The following SKAP2 variants were observed in gnomAD, a reference collection of about 807,000 sequenced individuals.
SKAP2 encodes src kinase associated phosphoprotein 2.
In SKAP2, 28 loss-of-function variants were observed where a neutral mutation model predicts 54.9. The observed-to-expected ratio is 0.51, with a 90% confidence interval of 0.38 to 0.70. The LOEUF is 0.70. Ranked by LOEUF, SKAP2 falls within the 30% of genes least tolerant of loss-of-function variation. The probability of loss-of-function intolerance (pLI) is 0.00; values close to 1 mark genes in which losing one functional copy is unlikely to be tolerated. For missense variants in SKAP2, 356 were observed against 424.1 expected (o/e 0.84, Z 1.41); for synonymous variants, 137 against 134.3 (o/e 1.02, Z -0.14).
intron 4 of SKAP2, among the ~76,000 whole-genome samples, chr7:26,815,885 C>T (rs1419871649): frequency 6.6e-6 from 1 of 152,040 alleles, no homozygotes; most frequent in Admixed American, 6.6e-5. Flanking sequence ...TATTGATAAC[C>T]TGACCCAACT....
At chr7:26,819,468 T>C (rs1359785028) in intron 4 of SKAP2, among the ~76,000 whole-genome samples, 3 of 151,940 alleles carry the variant, frequency 2.0e-5, no homozygotes, top group Middle Eastern at 3.4e-3. Context: ...ATACCTAATG[T>C]AGATGACGGG....
intron 4 of SKAP2, among the ~76,000 whole-genome samples, chr7:26,821,812 C>T (rs1224093351): frequency 6.6e-6 from 1 of 152,146 alleles, no homozygotes; most frequent in African/African-American, 2.4e-5. Flanking sequence ...TTGTCCCACC[C>T]ATCAAGTTGA....
chr7:26,785,532 C>T (rs1012715383), intron 4 of SKAP2, among the ~76,000 whole-genome samples: 2 of 152,130 alleles, frequency 1.3e-5, no homozygotes, highest in African/African-American at 2.4e-5. Flanking sequence ...CCCTTGACAT[C>T]AAAGGGCATA....
At chr7:26,851,189 C>G (rs1345764763) in intron 3 of SKAP2, among the ~76,000 whole-genome samples, 1 of 146,924 alleles carries the variant, frequency 6.8e-6, no homozygotes, top group Non-Finnish European at 1.5e-5. Context: ...GAGGCTGAGG[C>G]AGCTGATCTC....
intron 4 of SKAP2, among the ~76,000 whole-genome samples, chr7:26,740,258 AAG>A (rs1458874569): frequency 6.6e-6 from 1 of 152,110 alleles, no homozygotes; most frequent in African/African-American, 2.4e-5. Context: ...AAATCCCTGA[AAG>A]AGAGGTTAAG....
chr7:26,685,462 T>A (rs1333290176), intron 10 of SKAP2, among the ~76,000 whole-genome samples: 1 of 152,174 alleles, frequency 6.6e-6, no homozygotes, highest in Non-Finnish European at 1.5e-5. Context: ...GCCAAAGTTA[T>A]CTTTGAAAAT....
intron 4 of SKAP2, among the ~76,000 whole-genome samples, chr7:26,777,283 G>C (rs1250020515): frequency 6.6e-6 from 1 of 152,098 alleles, no homozygotes; most frequent in African/African-American, 2.4e-5. Flanking sequence ...AAGCTTTCTA[G>C]ATGCTTGAAT....
At chr7:26,761,964 G>A (rs1239187472) in intron 4 of SKAP2, among the ~76,000 whole-genome samples, 3 of 152,108 alleles carry the variant, frequency 2.0e-5, no homozygotes, top group Non-Finnish European at 4.4e-5. Context: ...GATTAGATAA[G>A]TAGAGAAGTT....
chr7:26,854,525 C>T (rs1440133826), intron 2 of SKAP2, among the ~76,000 whole-genome samples: 1 of 151,864 alleles, frequency 6.6e-6, no homozygotes, highest in Non-Finnish European at 1.5e-5. Context: ...ACCAAATATA[C>T]CCTCAGATAA....
chr7:26,764,551 T>C (rs1473959174), intron 4 of SKAP2, among the ~76,000 whole-genome samples: 2 of 152,134 alleles, frequency 1.3e-5, no homozygotes, highest in East Asian at 3.8e-4. Flanking sequence ...CTTTACTATA[T>C]AACTTTTTTT....
At chr7:26,753,975 C>A (rs1449348683) in intron 4 of SKAP2, among the ~76,000 whole-genome samples, 1 of 152,074 alleles carries the variant, frequency 6.6e-6, no homozygotes, top group Non-Finnish European at 1.5e-5. Context: ...AACTTTATAA[C>A]CACCAACATG....
chr7:26,721,424 A>T (rs1308355105), intron 9 of SKAP2, among the ~76,000 whole-genome samples: 1 of 152,146 alleles, frequency 6.6e-6, no homozygotes, highest in African/African-American at 2.4e-5. Flanking sequence ...ATTTTACTTT[A>T]TGTTCTATTT....
chr7:26,659,994 A>C, the SKAP2 span, among the ~76,000 whole-genome samples: 1 of 152,118 alleles, frequency 6.6e-6, no homozygotes, highest in East Asian at 1.9e-4. Flanking sequence ...AAAAAACAAA[A>C]AAACCCATGG....
intron 11 of SKAP2, among the ~76,000 whole-genome samples, chr7:26,674,723 T>G (rs1786316401): frequency 6.6e-6 from 1 of 152,206 alleles, no homozygotes; most frequent in African/African-American, 2.4e-5. Context: ...GACTTTGAGT[T>G]CCTCTAATTC....
At chr7:26,828,379 C>T (rs939993508) in intron 4 of SKAP2, among the ~76,000 whole-genome samples, 1 of 152,072 alleles carries the variant, frequency 6.6e-6, no homozygotes, top group African/African-American at 2.4e-5. Context: ...GTTCACTGAG[C>T]TTAAAAGGTA....
At chr7:26,699,791 T>C (rs1786983329) in intron 9 of SKAP2, among the ~76,000 whole-genome samples, 1 of 152,156 alleles carries the variant, frequency 6.6e-6, no homozygotes, top group African/African-American at 2.4e-5. Flanking sequence ...TTTAGTTAAA[T>C]ATCTAAACAT....
At chr7:26,757,023 G>T (rs1417563150) in intron 4 of SKAP2, among the ~76,000 whole-genome samples, 1 of 152,056 alleles carries the variant, frequency 6.6e-6, no homozygotes, top group Non-Finnish European at 1.5e-5. Context: ...TTTTTGATGG[G>T]GTTGTTTTTT....
chr7:26,770,703 G>T (rs1783171569), intron 4 of SKAP2, among the ~76,000 whole-genome samples: 1 of 152,132 alleles, frequency 6.6e-6, no homozygotes, highest in Non-Finnish European at 1.5e-5. Flanking sequence ...CCTTGGCTAG[G>T]GTAGGGAGTT....
At chr7:26,845,869 C>T (rs1784910185) in intron 3 of SKAP2, among the ~76,000 whole-genome samples, 1 of 152,246 alleles carries the variant, frequency 6.6e-6, no homozygotes, top group South Asian at 2.1e-4. Context: ...GAGTTTGAGG[C>T]TGCAGTGAGC....
Sources: allele counts gnomAD v4.1 joint callset (sites outside exome capture counted in the v4.1 genomes callset), GRCh38; gene constraint gnomAD v4.1.1; transcripts MANE v1.5; gene names NCBI Gene and HGNC (gene_info 2026-07-23, HGNC 2026-07-21).